Variants in GRID2 observed in about 807,000 individuals in gnomAD.
The protein encoded by GRID2 is glutamate receptor ionotropic, delta-2.
In GRID2, 33 loss-of-function variants were observed where a neutral mutation model predicts 114.8. The observed-to-expected ratio is 0.29, with a 90% CI of 0.22 to 0.38. The LOEUF (loss-of-function observed/expected upper bound fraction) is 0.38. GRID2 is among the 10% of genes least tolerant of loss of function. GRID2 has a pLI of 1.00. For missense variants in GRID2, 1,184 were observed against 1,257.7 expected, an observed-to-expected ratio of 0.94 and a Z score of 0.89; for synonymous variants, 505 against 449.9, an observed-to-expected ratio of 1.12 and a Z score of -1.55.
chr4:92,402,054 T>C (rs1000664831), intron 1 of GRID2, among the ~76,000 whole-genome samples: 1 of 152,216 alleles, frequency 6.6e-6, no homozygotes, highest in African/African-American at 2.4e-5. Flanking sequence ...GAATTGTCTC[T>C]ATCTCAAGAA....
At chr4:92,574,544 T>A (rs979464305) in intron 1 of GRID2, among the ~76,000 whole-genome samples, 4 of 151,858 alleles carry the variant, frequency 2.6e-5, no homozygotes, top group Non-Finnish European at 5.9e-5. Flanking sequence ...GAAAACGACC[T>A]CTTTCTCTTA....
chr4:93,447,841 A>G (rs761365610), intron 10 of GRID2, among the ~76,000 whole-genome samples: 4 of 151,958 alleles, frequency 2.6e-5, no homozygotes, highest in Admixed American at 6.6e-5. Context: ...AAAACATTCA[A>G]TATCACTTTA....
chr4:93,370,094 C>T (rs1351474856), intron 8 of GRID2, among the ~76,000 whole-genome samples: 2 of 151,962 alleles, frequency 1.3e-5, no homozygotes, highest in Admixed American at 1.3e-4. Flanking sequence ...TTAGGTTAAG[C>T]CCAATTTATC....
chr4:93,694,682 A>T (rs781517367), intron 14 of GRID2, among the ~76,000 whole-genome samples: 12 of 151,992 alleles, frequency 7.9e-5, no homozygotes, highest in Non-Finnish European at 1.5e-4. Flanking sequence ...CTTTCTCCTC[A>T]TCCATTTTCT....
At chr4:93,182,716 C>T (rs1740012800) in intron 4 of GRID2, among the ~76,000 whole-genome samples, 2 of 152,216 alleles carry the variant, frequency 1.3e-5, no homozygotes, top group East Asian at 1.9e-4. Context: ...TACACCCAGA[C>T]ATCACCGTCC....
chr4:92,763,782 G>A (rs1738134841), intron 2 of GRID2, among the ~76,000 whole-genome samples: 1 of 152,126 alleles, frequency 6.6e-6, no homozygotes, highest in Non-Finnish European at 1.5e-5. Context: ...GTGAAAGAGG[G>A]AGAGAGTTAG....
chr4:93,353,889 G>GC (rs1761043750), intron 8 of GRID2, among the ~76,000 whole-genome samples: 1 of 151,862 alleles, frequency 6.6e-6, no homozygotes, highest in Non-Finnish European at 1.5e-5. Context: ...AAGAAAATGA[G>GC]CCCCATGTAT....
rs576370011 is a variant in GRID2 at position 92,929,706 on chromosome 4, T to C, written c.245-155289T>C. ...TTTAAAACTGAGATGGTTTTCTTAT[T>C]TACTGAAGATCTGAACTTGGATATT... On this transcript the variant is annotated intron_variant, in intron 2 of 15. Coordinates refer to ENST00000282020, the MANE Select transcript of GRID2 (RefSeq NM_001510.4). Among the ~76,000 whole-genome samples, 3 of 147,924 alleles carry C rather than the reference T, an allele frequency of 2.0e-5. No individual in the cohort carries two copies. The East Asian group carries it at 6.4e-4, about 31-fold the overall frequency.
intron 2 of GRID2, among the ~76,000 whole-genome samples, chr4:92,971,369 T>C (rs1753504951): frequency 6.6e-6 from 1 of 152,018 alleles, no homozygotes; most frequent in South Asian, 2.1e-4. Context: ...TACACAGAAG[T>C]AATAAGGGTG....
intron 4 of GRID2, among the ~76,000 whole-genome samples, chr4:93,141,808 T>A (rs542628469): frequency 6.6e-6 from 1 of 152,352 alleles, no homozygotes; most frequent in East Asian, 1.9e-4. Flanking sequence ...AACAGGTTTT[T>A]TTGTAGCATT....
intron 1 of GRID2, among the ~76,000 whole-genome samples, chr4:92,341,393 G>A (rs1435847445): frequency 1.3e-5 from 2 of 151,990 alleles, no homozygotes; most frequent in East Asian, 1.9e-4. Flanking sequence ...ACTTTCTAAG[G>A]CTTCAGAGAT....
At chr4:92,566,760 G>C (rs1315253235) in intron 1 of GRID2, among the ~76,000 whole-genome samples, 1 of 152,008 alleles carries the variant, frequency 6.6e-6, no homozygotes, top group African/African-American at 2.4e-5. Flanking sequence ...AATAAATGGT[G>C]CTAAAATGTG....
chr4:92,912,624 T>C (rs1464179102), intron 2 of GRID2, among the ~76,000 whole-genome samples: 1 of 151,940 alleles, frequency 6.6e-6, no homozygotes, highest in Non-Finnish European at 1.5e-5. Context: ...AGTACTTTAA[T>C]ATGAAATGTT....
At chr4:92,340,529 A>G (rs1451488514) in intron 1 of GRID2, among the ~76,000 whole-genome samples, 2 of 152,088 alleles carry the variant, frequency 1.3e-5, no homozygotes, top group African/African-American at 4.8e-5. Flanking sequence ...CTGCTTGTTC[A>G]TGGCTTGGTG....
At chr4:92,446,723 T>C (rs1218540173) in intron 1 of GRID2, among the ~76,000 whole-genome samples, 1 of 152,200 alleles carries the variant, frequency 6.6e-6, no homozygotes, top group Non-Finnish European at 1.5e-5. Flanking sequence ...AGAACTTACA[T>C]AGAGTTACTT....
chr4:92,811,135 G>A (rs1054217986), intron 2 of GRID2, among the ~76,000 whole-genome samples: 12 of 152,068 alleles, frequency 7.9e-5, no homozygotes, highest in African/African-American at 2.9e-4. Flanking sequence ...AAATCTTAGA[G>A]CATTTAGGTA....
intron 2 of GRID2, among the ~76,000 whole-genome samples, chr4:92,918,295 A>T (rs1450546609): frequency 1.3e-5 from 2 of 152,192 alleles, no homozygotes; most frequent in African/African-American, 2.4e-5. Flanking sequence ...TGTCATCTGC[A>T]AACAGGGACA....
At chr4:92,345,855 T>A (rs537904843) in intron 1 of GRID2, among the ~76,000 whole-genome samples, 3 of 152,212 alleles carry the variant, frequency 2.0e-5, no homozygotes, top group Non-Finnish European at 4.4e-5. Flanking sequence ...CTTCTCCTTT[T>A]GGTTTCTTAA....
At chr4:93,558,706 A>G (rs1734581811) in intron 13 of GRID2, among the ~76,000 whole-genome samples, 1 of 152,202 alleles carries the variant, frequency 6.6e-6, no homozygotes, top group Non-Finnish European at 1.5e-5. Context: ...AACAATAGAA[A>G]ACGAGGGAAT....
Sources: allele counts gnomAD v4.1 joint callset (sites outside exome capture counted in the v4.1 genomes callset), GRCh38; gene constraint gnomAD v4.1.1; transcripts MANE v1.5; gene names NCBI Gene and HGNC (gene_info 2026-07-23, HGNC 2026-07-21).